RBFOX1: variants seen among roughly 807,000 people sequenced by gnomAD.
RBFOX1 encodes RNA binding fox-1 homolog 1, also known as RNA binding protein fox-1 homolog 1.
Under a neutral mutation model 57.7 loss-of-function variants are expected in RBFOX1, and 8 were observed. The ratio of observed to expected loss-of-function variants is 0.14; its 90% CI spans 0.08 to 0.25. The LOEUF (loss-of-function observed/expected upper bound fraction) is 0.25. Among genes scored for constraint, RBFOX1 ranks in the 10% least tolerant of loss-of-function variants. RBFOX1 has a pLI of 1.00. For missense variants in RBFOX1, 611 were observed against 548.5 expected, an observed-to-expected ratio of 1.11 and a Z score of -1.14; for synonymous variants, 326 against 222.4, an observed-to-expected ratio of 1.47 and a Z score of -4.15.
rs139771982 is a variant in RBFOX1 at position 5,813,401 on chromosome 16, C to G, written c.319-53902C>G. Among the ~76,000 whole-genome samples the G allele has an allele frequency of 1.1e-3, 174 of 152,288 alleles. 1 individual carries two copies. The highest frequency in any genetic ancestry group is 4.0e-3 in the African/African-American group (166 of 41,542). ...ACCCATTAAGCATTCATACCCATTC[C>G]TCCCCGGCCCTCAGTAACCACTAAT... On this transcript the variant is annotated intron_variant, in intron 3 of 19. Coordinates refer to the RBFOX1 transcript ENST00000641259.
intron 2 of RBFOX1, among the ~76,000 whole-genome samples, chr16:6,638,274 A>G (rs1489195357): frequency 6.6e-6 from 1 of 152,202 alleles, no homozygotes; most frequent in African/African-American, 2.4e-5. Context: ...TTTAAGGTAC[A>G]TTTTTCCTAT....
chr16:6,532,901 C>G (rs1324834785), intron 2 of RBFOX1, among the ~76,000 whole-genome samples: 1 of 152,214 alleles, frequency 6.6e-6, no homozygotes, highest in Non-Finnish European at 1.5e-5. Flanking sequence ...GCCAGTGTCA[C>G]CAACACCACT....
At chr16:6,712,538 C>T (rs936978852) in intron 3 of RBFOX1, among the ~76,000 whole-genome samples, 2 of 152,136 alleles carry the variant, frequency 1.3e-5, no homozygotes, top group Non-Finnish European at 2.9e-5. Flanking sequence ...TGACACAGGG[C>T]ATCATCTTCT....
At chr16:6,569,064 A>T (rs1033535123) in intron 2 of RBFOX1, among the ~76,000 whole-genome samples, 3 of 152,206 alleles carry the variant, frequency 2.0e-5, no homozygotes, top group African/African-American at 7.2e-5. Context: ...GCTCTTGGAT[A>T]ATATGCTACT....
chr16:7,222,229 TTCTTTGC>T (rs2092783825), intron 4 of RBFOX1, among the ~76,000 whole-genome samples: 1 of 152,190 alleles, frequency 6.6e-6, no homozygotes. Flanking sequence ...CCTTGCATTC[TTCTTTGC>T]TCTTGTTTAC....
At chr16:5,448,018 C>G (rs2068304117) in intron 1 of RBFOX1, among the ~76,000 whole-genome samples, 1 of 152,116 alleles carries the variant, frequency 6.6e-6, no homozygotes, top group Admixed American at 6.5e-5. Flanking sequence ...TTAATTGAAT[C>G]TGGGGGTGGA....
chr16:6,479,160 A>C (rs2095330568), intron 2 of RBFOX1, among the ~76,000 whole-genome samples: 1 of 152,216 alleles, frequency 6.6e-6, no homozygotes, highest in Non-Finnish European at 1.5e-5. Flanking sequence ...CCGTTCTAAC[A>C]CTGCTATAAA....
intron 3 of RBFOX1, among the ~76,000 whole-genome samples, chr16:5,620,573 T>C (rs1161911537): frequency 6.6e-6 from 1 of 152,184 alleles, no homozygotes; most frequent in Non-Finnish European, 1.5e-5. Context: ...GGTCATCTTC[T>C]TGCTGTGTCT....
chr16:6,649,920 C>A (rs1181838680), intron 2 of RBFOX1, among the ~76,000 whole-genome samples: 1 of 151,998 alleles, frequency 6.6e-6, no homozygotes, highest in Non-Finnish European at 1.5e-5. Flanking sequence ...GATTGGTGGG[C>A]CTTTGGGCTG....
At chr16:7,316,987 A>ACAAAC (rs1568178930) in intron 4 of RBFOX1, among the ~76,000 whole-genome samples, 4 of 45,858 alleles carry the variant, frequency 8.7e-5, no homozygotes, top group African/African-American at 2.8e-4. Context: ...CACACACACA[A>ACAAAC]ACACACACAC....
chr16:6,676,873 A>T (rs1446483705), intron 3 of RBFOX1, among the ~76,000 whole-genome samples: 1 of 151,454 alleles, frequency 6.6e-6, no homozygotes, highest in East Asian at 2.0e-4. Flanking sequence ...ACGGGGTTTC[A>T]CCATGTTGGC....
chr16:6,895,444 GTGTGTA>G (rs1172010380), intron 3 of RBFOX1, among the ~76,000 whole-genome samples: 11,061 of 73,000 alleles, frequency 0.15, 852 homozygotes, highest in Non-Finnish European at 0.19. Flanking sequence ...GTGTGTGTGT[GTGTGTA>G]TATATATATA....
At chr16:5,794,936 C>A (rs546111648) in intron 3 of RBFOX1, among the ~76,000 whole-genome samples, 1 of 152,154 alleles carries the variant, frequency 6.6e-6, no homozygotes. Context: ...CTGTGGAATT[C>A]CCCAGGCACA....
intron 1 of RBFOX1, among the ~76,000 whole-genome samples, chr16:6,089,516 C>A (rs1233533119): frequency 6.6e-6 from 1 of 152,210 alleles, no homozygotes; most frequent in Non-Finnish European, 1.5e-5. Context: ...CATTGTAAAT[C>A]TTAGACTAAA....
intron 13 of RBFOX1, among the ~76,000 whole-genome samples, chr16:7,676,328 A>G (rs1173560779): frequency 6.6e-6 from 1 of 152,246 alleles, no homozygotes; most frequent in Non-Finnish European, 1.5e-5. Context: ...ATAAATATAA[A>G]AGACAGGAAA....
chr16:6,301,876 A>C (rs1029915934), intron 1 of RBFOX1, among the ~76,000 whole-genome samples: 1 of 152,166 alleles, frequency 6.6e-6, no homozygotes, highest in South Asian at 2.1e-4. Context: ...TATTTCATTT[A>C]ATCCTTACGG....
rs1400528319 is a variant in RBFOX1, at chr16:6,097,681, C to T, written c.-127+77689C>T. Among the ~76,000 whole-genome samples, 3 of 151,952 alleles carry T rather than the reference C, an allele frequency of 2.0e-5. No homozygotes were observed. Among genetic ancestry groups the T allele is most frequent in the African/African-American group, 4.8e-5 (2 of 41,368 alleles). The stretch of plus-strand genomic sequence containing the variant: ...AATAAGTGTCTAAGCTAGGATTTGA[C>T]CCTAGGGCTTGTGAATCTGGAGCCC... On this transcript the variant is annotated intron_variant, in intron 1 of 15. Coordinates refer to ENST00000550418, the MANE Select transcript of RBFOX1 (RefSeq NM_018723.4). The surrounding 1 kb of genome is among the most constrained non-coding windows in gnomAD (Gnocchi z 5.0).
intron 3 of RBFOX1, among the ~76,000 whole-genome samples, chr16:5,821,738 G>A (rs1245927072): frequency 2.6e-5 from 4 of 152,158 alleles, no homozygotes; most frequent in Admixed American, 6.5e-5. Flanking sequence ...TGGAGGGTGG[G>A]AAGTCCAAGG....
chr16:7,542,730 G>A (rs2083292899), intron 5 of RBFOX1, among the ~76,000 whole-genome samples: 1 of 148,400 alleles, frequency 6.7e-6, no homozygotes, highest in Non-Finnish European at 1.5e-5. Flanking sequence ...AGCCAGGCAT[G>A]GTGGCACGCA....
Sources: gnomAD v4.1 joint callset for allele counts (sites outside exome capture counted in the v4.1 genomes callset) on GRCh38, gnomAD v4.1.1 for gene constraint, Gnocchi (gnomAD v3.1) non-coding constraint, MANE v1.5 for transcripts, NCBI Gene and HGNC (gene_info 2026-07-23, HGNC 2026-07-21) for gene names.